Variants in DTNB observed in about 807,000 individuals in gnomAD.
DTNB encodes DTN-B.
DTNB carries 63 observed loss-of-function variants against 90.7 expected under a neutral mutation model. The observed-to-expected ratio is 0.69, with a 90% CI of 0.57 to 0.86. The LOEUF is 0.86. DTNB is among the 40% of genes least tolerant of loss of function. The probability of loss-of-function intolerance (pLI) is 0.00; values close to 1 mark genes in which losing one functional copy is unlikely to be tolerated. For missense variants in DTNB, 744 were observed against 807.1 expected, an observed-to-expected ratio of 0.92 and a Z score of 0.95; for synonymous variants, 277 against 286.7, an observed-to-expected ratio of 0.97 and a Z score of 0.34.
intron 1 of DTNB, among the ~76,000 whole-genome samples, chr2:25,660,429 T>C (rs1055710459): frequency 6.6e-6 from 1 of 151,978 alleles, no homozygotes; most frequent in African/African-American, 2.4e-5. Context: ...TTGTGGAGGG[T>C]TGACGGGGGA....
chr2:25,397,211 A>G (rs991831464), intron 16 of DTNB, among the ~76,000 whole-genome samples: 2 of 152,058 alleles, frequency 1.3e-5, no homozygotes, highest in Middle Eastern at 3.2e-3. Context: ...AGTAAAAACA[A>G]TTCAAATGTC....
At chr2:25,540,086 C>T (rs2080853546) in intron 8 of DTNB, among the ~76,000 whole-genome samples, 1 of 152,144 alleles carries the variant, frequency 6.6e-6, no homozygotes, top group African/African-American at 2.4e-5. Context: ...TGCAAGTGCC[C>T]CAGACCTACA....
At chr2:25,571,644 C>A (rs2059885452) in intron 8 of DTNB, among the ~76,000 whole-genome samples, 1 of 152,164 alleles carries the variant, frequency 6.6e-6, no homozygotes, top group African/African-American at 2.4e-5. Flanking sequence ...CTCCCCAGCC[C>A]TAAGTTCCTG....
chr2:25,586,234 G>C (rs2062378442), intron 6 of DTNB, among the ~76,000 whole-genome samples: 1 of 152,136 alleles, frequency 6.6e-6, no homozygotes, highest in Admixed American at 6.5e-5. Flanking sequence ...CGGGCGGCCA[G>C]GTGCGGTGGC....
In DTNB at chr2:25,430,158, C is replaced by T. The variant is rs887060116; in HGVS notation, c.1458-2527G>A. Among the ~76,000 whole-genome samples the T allele has an allele frequency of 1.4e-4, 21 of 152,148 alleles. No homozygotes were observed. The South Asian group carries it at 1.9e-3, about 14-fold the overall frequency. On this transcript the variant is annotated intron_variant, in intron 14 of 20. Transcript: ENST00000406818. The stretch of plus-strand genomic sequence containing the variant: ...ATATATGTAAAATCTTGTGTGTATA[C>T]ATACATTATATTATATATATTTCCC...
At chr2:25,525,333 A>G (rs535337471) in intron 9 of DTNB, among the ~76,000 whole-genome samples, 2 of 152,226 alleles carry the variant, frequency 1.3e-5, no homozygotes, top group South Asian at 4.2e-4. Context: ...TTTATCTACA[A>G]TGTTTTATTC....
At chr2:25,548,689 G>T (rs1213017866) in intron 8 of DTNB, among the ~76,000 whole-genome samples, 1 of 152,168 alleles carries the variant, frequency 6.6e-6, no homozygotes, top group African/African-American at 2.4e-5. Context: ...AGGTGGGCTA[G>T]TGCCTTCTAT....
At chr2:25,600,689 A>G (rs2065682656) in intron 5 of DTNB, among the ~76,000 whole-genome samples, 1 of 152,160 alleles carries the variant, frequency 6.6e-6, no homozygotes, top group African/African-American at 2.4e-5. Context: ...CAAGTACATT[A>G]ATATATATAT....
chr2:25,637,095 C>A (rs2077277081), intron 3 of DTNB, among the ~76,000 whole-genome samples: 1 of 151,992 alleles, frequency 6.6e-6, no homozygotes, highest in African/African-American at 2.4e-5. Context: ...CTGACGAAAA[C>A]AAGAAATGGG....
chr2:25,421,655 A>G (rs1052088778), intron 15 of DTNB, among the ~76,000 whole-genome samples: 1 of 152,218 alleles, frequency 6.6e-6, no homozygotes, highest in Non-Finnish European at 1.5e-5. Context: ...GGCAATCCTA[A>G]CAGGCTGAAA....
chr2:25,394,242 C>G (rs1244981166), intron 16 of DTNB, among the ~76,000 whole-genome samples: 1 of 152,166 alleles, frequency 6.6e-6, no homozygotes, highest in Non-Finnish European at 1.5e-5. Flanking sequence ...CAAAAATCAA[C>G]TCAGGTTGGA....
intron 9 of DTNB, among the ~76,000 whole-genome samples, chr2:25,530,079 G>T (rs934799462): frequency 2.0e-5 from 3 of 152,142 alleles, no homozygotes; most frequent in Non-Finnish European, 2.9e-5. Flanking sequence ...GAAAAACAGG[G>T]ATGGGTTGGT....
intron 9 of DTNB, among the ~76,000 whole-genome samples, chr2:25,519,750 C>T (rs2075811988): frequency 6.6e-6 from 1 of 152,120 alleles, no homozygotes; most frequent in South Asian, 2.1e-4. Flanking sequence ...TGCATATTTA[C>T]CTGTCAGAAA....
chr2:25,382,625 T>C (rs764741535), intron 19 of DTNB, among the ~76,000 whole-genome samples: 1 of 147,356 alleles, frequency 6.8e-6, no homozygotes, highest in Non-Finnish European at 1.5e-5. Flanking sequence ...GCCTCCTGAG[T>C]TCAAGGGATT....
At chr2:25,519,573 T>C (rs1313462534) in intron 9 of DTNB, among the ~76,000 whole-genome samples, 1 of 152,108 alleles carries the variant, frequency 6.6e-6, no homozygotes, top group East Asian at 1.9e-4. Flanking sequence ...ATTTTGGATT[T>C]TGGAATATTT....
chr2:25,633,182 CCT>C (rs1351608871), intron 3 of DTNB, among the ~76,000 whole-genome samples: 1 of 151,200 alleles, frequency 6.6e-6, no homozygotes, highest in Admixed American at 6.8e-5. Context: ...TCTCCCTCTC[CCT>C]CTCTTTCCAC....
intron 8 of DTNB, among the ~76,000 whole-genome samples, chr2:25,533,964 A>T (rs897006107): frequency 7.4e-5 from 11 of 148,286 alleles, no homozygotes; most frequent in East Asian, 4.0e-4. Context: ...TTATTTATTT[A>T]TTTATTTTTT....
intron 15 of DTNB, among the ~76,000 whole-genome samples, chr2:25,420,962 T>A (rs1352189451): frequency 6.6e-6 from 1 of 152,258 alleles, no homozygotes; most frequent in Non-Finnish European, 1.5e-5. Context: ...TTAATGGGCC[T>A]CTTCCACTTC....
intron 10 of DTNB, among the ~76,000 whole-genome samples, chr2:25,457,374 T>C (rs1339684610): frequency 4.6e-5 from 7 of 152,168 alleles, no homozygotes; most frequent in African/African-American, 1.7e-4. Context: ...TAAGGATCCC[T>C]CGTTCCGTTT....
Sources: allele counts gnomAD v4.1 joint callset (sites outside exome capture counted in the v4.1 genomes callset), GRCh38; gene constraint gnomAD v4.1.1; transcripts MANE v1.5; gene names NCBI Gene and HGNC (gene_info 2026-07-23, HGNC 2026-07-21).